IMMT: variants seen among roughly 807,000 people sequenced by gnomAD.
IMMT encodes the protein inner membrane mitochondrial protein.
In IMMT, 40 loss-of-function variants were observed where a neutral mutation model predicts 92.7. The ratio of observed to expected loss-of-function variants is 0.43; its 90% CI spans 0.34 to 0.56. IMMT has a LOEUF of 0.56. IMMT is among the 20% of genes least tolerant of loss of function. The pLI is 0.03. For missense variants in IMMT, 831 were observed against 912.1 expected, an observed-to-expected ratio of 0.91 and a Z score of 1.14; for synonymous variants, 322 against 336.1, an observed-to-expected ratio of 0.96 and a Z score of 0.46.
In IMMT at chr2:86,195,404, G is replaced by C. The variant is rs751941723; in HGVS notation, c.-22C>G. On this transcript the variant is annotated 5_prime_UTR_variant, in exon 1 of 15. Transcript: ENST00000410111. ...GCATCTCGGTCAAGCGGACGGCGCT[G>C]CTGGTGGACTCGAGCTGCCGCGGCG... 10 of 1,546,214 alleles carry C rather than the reference G, an allele frequency of 6.5e-6. No homozygotes were observed. Among genetic ancestry groups the C allele is most frequent in the Non-Finnish European group, 8.7e-6 (10 of 1,145,062 alleles).
Position 86,171,336 on chromosome 2 carries a change from TC to T in IMMT, c.430del (p.Glu144LysfsTer26). 6.2e-7 allele frequency: 1 copy of T among 1,611,212 alleles called. No homozygotes were observed. The highest frequency in any genetic ancestry group is 8.5e-7 in the Non-Finnish European group (1 of 1,178,506). Reference sequence around the variant, plus strand: ...TGCTGCAGAAATAATTTGAGCCGCTTCTGTAGGTGCTATAAATATATGTTAC... The same window carrying T: ...TGCTGCAGAAATAATTTGAGCCGCTTTGTAGGTGCTATAAATATATGTTAC... ...DTPASATAPT[E>X]AAQIISAAGD... On this transcript the variant is annotated frameshift_variant, in exon 5 of 15. Coordinates refer to ENST00000410111, the MANE Select transcript of IMMT (RefSeq NM_006839.3). LOFTEE classifies it high-confidence loss of function.
intron 3 of IMMT, among the ~76,000 whole-genome samples, chr2:86,177,544 T>C (rs1198380437): frequency 6.6e-6 from 1 of 151,634 alleles, no homozygotes; most frequent in Non-Finnish European, 1.5e-5. Flanking sequence ...GAAGTTGCAG[T>C]GATCCGAGAT....
chr2:86,181,310 T>C lies in IMMT; in HGVS notation c.108A>G (p.Ser36=), dbSNP rs746618514. 6.2e-7 allele frequency: 1 copy of C among 1,613,258 alleles called. No homozygotes were observed. The highest frequency in any genetic ancestry group is 2.2e-5 in the East Asian group (1 of 44,882). The change falls in exon 2 of 15, where the codon TCA becomes TCG. Residue 36 remains serine, a synonymous_variant. Coordinates refer to ENST00000410111, the MANE Select transcript of IMMT (RefSeq NM_006839.3). ...GACATAATACATACCCAGAGCTGCC[T>C]GAAGTAGAGTATCTGCGGCATGGTC... is the stretch of plus-strand genomic sequence containing the variant. ...PLRPCRRYST[S]GSSGLTTGKI...
chr2:86,164,689 C>CAAAAAAAAAAAAAAAAAAAAAA (rs56964046), intron 7 of IMMT, among the ~76,000 whole-genome samples: 3 of 111,442 alleles, frequency 2.7e-5, no homozygotes, highest in African/African-American at 1.1e-4. Flanking sequence ...GACTCTGTCT[C>CAAAAAAAAAAAAAAAAAAAAAA]AAAAAAAAAA....
chr2:86,178,878 A>G (rs1335436499), intron 3 of IMMT, among the ~76,000 whole-genome samples: 2 of 151,974 alleles, frequency 1.3e-5, no homozygotes, highest in South Asian at 4.1e-4. Flanking sequence ...TCTGGCCAAC[A>G]TGGTGAACCC....
At chr2:86,174,999 T>A (rs1199816587) in intron 3 of IMMT, among the ~76,000 whole-genome samples, 1 of 152,110 alleles carries the variant, frequency 6.6e-6, no homozygotes, top group Non-Finnish European at 1.5e-5. Flanking sequence ...GTCAAAGGGG[T>A]TGTATATTTT....
intron 1 of IMMT, 122 bp downstream of exon 1, chr2:86,195,216 A>G: frequency 9.2e-7 from 1 of 1,090,480 alleles, no homozygotes; most frequent in Non-Finnish European, 1.3e-6. Flanking sequence ...GCCTCTCCCG[A>G]CGAGGGTGGC....
chr2:86,181,631 A>G (rs951222601), intron 1 of IMMT, among the ~76,000 whole-genome samples: 6 of 151,950 alleles, frequency 3.9e-5, no homozygotes, highest in African/African-American at 9.7e-5. Context: ...GCACCTTTAA[A>G]TAAGTCTTAA....
At chr2:86,193,663 A>G (rs1012195888) in intron 1 of IMMT, among the ~76,000 whole-genome samples, 3 of 152,178 alleles carry the variant, frequency 2.0e-5, no homozygotes, top group African/African-American at 7.2e-5. Context: ...GACCCAAAAT[A>G]TTACTTGAGA....
rs532467520 is a variant in IMMT, at chr2:86,175,934, GA to G, written c.310-2174del. 5.3e-5 allele frequency among the ~76,000 whole-genome samples: 8 copies of G among 152,282 alleles called. No homozygotes were observed. The South Asian group carries it at 1.7e-3, about 32-fold the overall frequency. ...GTTCTATCTTTAAGCATGGCCCTTG[GA>G]ACAGTGCCTGCAGCATAATAATCAT... On this transcript the variant is annotated intron_variant, in intron 3 of 14. Transcript: ENST00000410111.
intron 1 of IMMT, among the ~76,000 whole-genome samples, chr2:86,185,838 G>A (rs1672734066): frequency 6.6e-6 from 1 of 152,154 alleles, no homozygotes; most frequent in South Asian, 2.1e-4. Context: ...TTCTGGAAAC[G>A]GAAGAATAAT....
chr2:86,144,343 C>T lies in IMMT; in HGVS notation c.2202G>A (p.Thr734=), dbSNP rs370590382. ...CTGTCAGGATTTCCACTATCTGTTT[C>T]GTTTCTAGGGTCATTCGGGCTTCCT... is the stretch of plus-strand genomic sequence containing the variant. ...WLKEARMTLE[T]KQIVEILTAY... Residue 734 remains threonine (T), a synonymous_variant, in exon 15 of 15, where the codon ACG becomes ACA. Transcript: ENST00000410111. 2.2e-5 allele frequency: 36 copies of T among 1,613,884 alleles called. No individual in the cohort carries two copies. The highest frequency in any genetic ancestry group is 6.6e-5 in the South Asian group (6 of 91,086).
rs1675121512 is a variant in IMMT at position 86,147,647 on chromosome 2, GTC to G, written c.1533+53_1533+54del. The G allele has an allele frequency of 1.3e-5, 20 of 1,531,852 alleles. 1 individual carries two copies. The highest frequency in any genetic ancestry group is 2.8e-5 in the African/African-American group (2 of 72,002). 94.9% of individuals were successfully genotyped at this position (1,531,852 alleles called of 1,614,324 possible). ...CAGAGTACATTAAAAGGAAAGGAGA[GTC>G]TCTTAATCCTGTCAGGAAGAGGGGT... On this transcript the variant is annotated intron_variant, in intron 13 of 14. Coordinates refer to ENST00000410111, the MANE Select transcript of IMMT (RefSeq NM_006839.3).
chr2:86,183,434 C>T (rs907017192), intron 1 of IMMT, among the ~76,000 whole-genome samples: 5 of 152,154 alleles, frequency 3.3e-5, no homozygotes, highest in African/African-American at 4.8e-5. Flanking sequence ...TGAACAACCA[C>T]GCCCAGCATC....
Position 86,147,683 on chromosome 2 carries a change from A to C in IMMT, c.1533+19T>G, listed in dbSNP as rs763913376. ...CTGTCAGGAAGAGGGGTGTGGCTGA[A>C]GGGAGTCCAGGTCCTCACCTGCTCA... On this transcript the variant is annotated intron_variant, in intron 13 of 14. Transcript: ENST00000410111. 6 of 1,608,144 alleles carry C rather than the reference A, an allele frequency of 3.7e-6. No individual in the cohort carries two copies. Among genetic ancestry groups the C allele is most frequent in the Non-Finnish European group, 5.1e-6 (6 of 1,177,292 alleles).
rs748262899 is a variant in IMMT, at chr2:86,171,333, G to A, written c.434C>T (p.Ala145Val). Residue 145 changes from alanine to valine, a missense_variant, in exon 5 of 15, where the codon GCG becomes GTG. By Grantham distance (64) the Ala-to-Val change is moderately conservative. Transcript: ENST00000410111. ...TPASATAPTE[A>V]AQIISAAGDT... Reference sequence around the variant, plus strand: ...ACCTGCTGCAGAAATAATTTGAGCCGCTTCTGTAGGTGCTATAAATATATG... The same window carrying A: ...ACCTGCTGCAGAAATAATTTGAGCCACTTCTGTAGGTGCTATAAATATATG... 23 of 1,610,788 alleles carry A rather than the reference G, an allele frequency of 1.4e-5. No homozygotes were observed. The East Asian group carries it at 1.6e-4, about 11-fold the overall frequency.
chr2:86,147,753 C>T lies in IMMT; in HGVS notation c.1482G>A (p.Leu494=), dbSNP rs1480650310. The change falls in exon 13 of 15, where the codon TTG becomes TTA. Residue 494 remains leucine, a synonymous_variant. Coordinates refer to ENST00000410111, the MANE Select transcript of IMMT (RefSeq NM_006839.3). ...GTTCTTGTACCCTAAGGACATCTCG[C>T]AAGTGATCAGTGTGGGCAGCTGCCT... ...RRQAAAHTDH[L]RDVLRVQEQE... 2.5e-6 allele frequency: 4 copies of T among 1,613,960 alleles called. No homozygotes were observed. Among genetic ancestry groups the T allele is most frequent in the East Asian group, 2.2e-5 (1 of 44,892 alleles).
chr2:86,183,515 G>T (rs576315989), intron 1 of IMMT, among the ~76,000 whole-genome samples: 47 of 152,146 alleles, frequency 3.1e-4, no homozygotes, highest in Middle Eastern at 3.4e-3. Flanking sequence ...CCCTTTGACA[G>T]AATGTGTTTT....
At chr2:86,151,712 G>C (rs954301238) in intron 11 of IMMT, among the ~76,000 whole-genome samples, 192 bp from the exon 12 acceptor site, 1 of 152,108 alleles carries the variant, frequency 6.6e-6, no homozygotes, top group Non-Finnish European at 1.5e-5. Flanking sequence ...TTCAACCCCT[G>C]GCAAAATTCA....
Sources: gnomAD v4.1 joint callset for allele counts (sites outside exome capture counted in the v4.1 genomes callset) on GRCh38, gnomAD v4.1.1 for gene constraint, MANE v1.5 for transcripts, NCBI Gene and HGNC (gene_info 2026-07-23, HGNC 2026-07-21) for gene names.